The following WASHC5 variants were observed in gnomAD, a reference collection of about 807,000 sequenced individuals.
WASHC5 encodes the protein WASH complex subunit 5, also known as WASH complex subunit strumpellin.
WASHC5 carries 101 observed loss-of-function variants against 150.4 expected under a neutral mutation model. The observed-to-expected ratio is 0.67, with a 90% CI of 0.57 to 0.79. WASHC5 has a LOEUF of 0.79. WASHC5 is among the 30% of genes least tolerant of loss of function. The pLI is 0.00. For synonymous variants in WASHC5, 467 were observed against 491.2 expected, an observed-to-expected ratio of 0.95 and a Z score of 0.65; for missense variants, 1,195 against 1,396.3, an observed-to-expected ratio of 0.86 and a Z score of 2.30.
intron 1 of WASHC5, among the ~76,000 whole-genome samples, chr8:125,085,391 T>G (rs1297029687): frequency 6.6e-6 from 1 of 152,122 alleles, no homozygotes; most frequent in Non-Finnish European, 1.5e-5. Context: ...CCATGGTAAA[T>G]GACTTAGAAG....
intron 6 of WASHC5, among the ~76,000 whole-genome samples, chr8:125,077,994 G>C (rs1201775655): frequency 2.6e-5 from 4 of 152,292 alleles, no homozygotes. Context: ...GAACTGCACA[G>C]ATCAGGTTCA....
At chr8:125,041,750 G>C (rs778165517) in intron 23 of WASHC5, among the ~76,000 whole-genome samples, 1 of 152,000 alleles carries the variant, frequency 6.6e-6, no homozygotes, top group East Asian at 1.9e-4. Context: ...TATTATTTTT[G>C]ACCACTATTC....
Position 125,038,868 on chromosome 8 carries a change from AG to A in WASHC5, c.3045del (p.Tyr1016IlefsTer11), listed in dbSNP as rs1815794119. ...EDNTLLYEITAYLEAAGIHNP... is the reference protein window; with the variant it reads ...EDNTLLYEITXYLEAAGIHNP... ...TTGTGAATGCCAGCTGCCTCCAGAT[AG>A]GCTGTGATTTCATATAAAAGTGTGT... is the stretch of plus-strand genomic sequence containing the variant. On this transcript the variant is annotated frameshift_variant, in exon 25 of 29. Transcript: ENST00000318410. LOFTEE classifies it high-confidence loss of function. 1 of 1,613,970 alleles carries A rather than the reference AG, an allele frequency of 6.2e-7. No individual in the cohort carries two copies. The highest frequency in any genetic ancestry group is 8.5e-7 in the Non-Finnish European group (1 of 1,179,952).
Position 125,061,108 on chromosome 8 carries a change from CAGTT to C in WASHC5, c.1491_1494del (p.Thr498TyrfsTer3). 1 of 1,609,572 alleles carries C rather than the reference CAGTT, an allele frequency of 6.2e-7. No individual in the cohort carries two copies. Among genetic ancestry groups the C allele is most frequent in the Non-Finnish European group, 8.5e-7 (1 of 1,176,002 alleles). On this transcript the variant is annotated frameshift_variant, in exon 12 of 29. Transcript: ENST00000318410. LOFTEE classifies it high-confidence loss of function. Reference sequence around the variant, plus strand: ...TCTTCCAAAGCTTGTATCAGTTGTACAGTTTTTCTGCCCGCAGCAGTAGAATCAT... The same window carrying C: ...TCTTCCAAAGCTTGTATCAGTTGTACTTTCTGCCCGCAGCAGTAGAATCAT...
chr8:125,062,530 T>C (rs1816626654), intron 11 of WASHC5, among the ~76,000 whole-genome samples: 1 of 152,222 alleles, frequency 6.6e-6, no homozygotes, highest in African/African-American at 2.4e-5. Context: ...CATTCTAGAC[T>C]TCAGGTTTCA....
intron 13 of WASHC5, 37 bp from the exon 14 acceptor site, chr8:125,059,334 AG>A: frequency 6.2e-7 from 1 of 1,613,428 alleles, no homozygotes; most frequent in Non-Finnish European, 8.5e-7. Flanking sequence ...AGATGTTCCT[AG>A]GGCCTTTCAT....
rs766885418 is a variant in WASHC5 at position 125,059,371 on chromosome 8, A to C, written c.1688+5T>G. Reference sequence around the variant, plus strand: ...CTACAGCAAATGTCAGGCTGCCTACATTACCTGTCAATCAACTGCCAAGCG... The same window carrying C: ...CTACAGCAAATGTCAGGCTGCCTACCTTACCTGTCAATCAACTGCCAAGCG... On this transcript the variant is annotated splice_donor_5th_base_variant and intron_variant, in intron 13 of 28. Transcript: ENST00000318410. The C allele has an allele frequency of 1.9e-6, 3 of 1,614,166 alleles. No homozygotes were observed. Among genetic ancestry groups the C allele is most frequent in the African/African-American group, 1.3e-5 (1 of 75,058 alleles).
chr8:125,084,304 C>G (rs145332533), intron 1 of WASHC5, among the ~76,000 whole-genome samples: 14 of 152,302 alleles, frequency 9.2e-5, no homozygotes, highest in Non-Finnish European at 1.3e-4. Context: ...AACCACTGGG[C>G]ATGTGTGGTT....
At chr8:125,038,542 A>T (rs1365588046) in intron 25 of WASHC5, among the ~76,000 whole-genome samples, 1 of 152,224 alleles carries the variant, frequency 6.6e-6, no homozygotes, top group Admixed American at 6.5e-5. Flanking sequence ...TTGGGCCTTG[A>T]TGACTGAACG....
rs1435894101 is a variant in WASHC5 at position 125,075,091 on chromosome 8, C to T, written c.885G>A (p.Gly295=). 19 of 1,607,130 alleles carry T rather than the reference C, an allele frequency of 1.2e-5. No homozygotes were observed. The highest frequency in any genetic ancestry group is 4.3e-6 in the Non-Finnish European group (5 of 1,173,976). ...PDNWVISIYM[G]ITVNLVDAWE... is the part of the protein sequence containing the mutation. ...AAGCATCTACTAGATTAACTGTGAT[C>T]CCCATGTAAATACTAATTACCTGAA... The change falls in exon 8 of 29, where the codon GGG becomes GGA. Residue 295 remains glycine, a synonymous_variant. Transcript: ENST00000318410.
At position 125,078,918 on chromosome 8, in the gene WASHC5, A is replaced by C. The variant is rs773555566; in HGVS notation, c.531T>G (p.Ser177=). The part of the protein sequence containing the change: ...VSYYRYSAAR[S]SADSNMDDIC... ...TATCGTCCATATTTGAATCAGCAGAAGATCGAGCAGCACTGAGTCATATTC... is the reference window on the plus strand; with the variant it reads ...TATCGTCCATATTTGAATCAGCAGACGATCGAGCAGCACTGAGTCATATTC... The change falls in exon 6 of 29, where the codon TCT becomes TCG. Residue 177 remains serine, a synonymous_variant. Transcript: ENST00000318410. 6.2e-7 allele frequency: 1 copy of C among 1,613,852 alleles called. No individual in the cohort carries two copies. The highest frequency in any genetic ancestry group is 8.5e-7 in the Non-Finnish European group (1 of 1,179,874).
chr8:125,026,022 G>GT (rs1315722155), intron 28 of WASHC5, among the ~76,000 whole-genome samples: 3 of 152,024 alleles, frequency 2.0e-5, no homozygotes, highest in Non-Finnish European at 4.4e-5. Context: ...TATTACAAAT[G>GT]TTTTTTTAAA....
intron 26 of WASHC5, among the ~76,000 whole-genome samples, chr8:125,036,353 T>C (rs921325683): frequency 1.2e-4 from 18 of 152,284 alleles, no homozygotes; most frequent in East Asian, 3.9e-4. Flanking sequence ...CTTACTGAGG[T>C]AGACCATACT....
intron 17 of WASHC5, among the ~76,000 whole-genome samples, chr8:125,055,265 A>G (rs1816371735): frequency 6.6e-6 from 1 of 152,204 alleles, no homozygotes; most frequent in African/African-American, 2.4e-5. Context: ...TCTATTAAAA[A>G]TACAAAAATT....
chr8:125,057,981 C>T (rs549981043), intron 14 of WASHC5, among the ~76,000 whole-genome samples: 2 of 152,020 alleles, frequency 1.3e-5, no homozygotes, highest in East Asian at 1.9e-4. Context: ...CAACCAGCCC[C>T]GCAGGTGATT....
intron 23 of WASHC5, among the ~76,000 whole-genome samples, chr8:125,041,211 T>C (rs1815874004): frequency 6.6e-6 from 1 of 152,192 alleles, no homozygotes; most frequent in Non-Finnish European, 1.5e-5. Context: ...AATGTCTTCT[T>C]TTCTACTCGG....
chr8:125,077,044 T>G (rs1817084783), intron 6 of WASHC5, among the ~76,000 whole-genome samples: 1 of 152,228 alleles, frequency 6.6e-6, no homozygotes, highest in Admixed American at 6.5e-5. Flanking sequence ...CACTCTCTCT[T>G]CTCAATCTCC....
chr8:125,080,753 T>A (rs1817233387), intron 5 of WASHC5, among the ~76,000 whole-genome samples: 1 of 152,216 alleles, frequency 6.6e-6, no homozygotes. Flanking sequence ...GCTCCTGTTT[T>A]CAAGACCTTA....
At chr8:125,028,579 T>A (rs1408618118) in intron 28 of WASHC5, 41 bp downstream of exon 28, 1 of 1,425,086 alleles carries the variant, frequency 7.0e-7, no homozygotes, top group South Asian at 1.2e-5. Context: ...TTAGCATCTT[T>A]TTACAACTAT....
Sources: allele counts gnomAD v4.1 joint callset (sites outside exome capture counted in the v4.1 genomes callset), GRCh38; gene constraint gnomAD v4.1.1; transcripts MANE v1.5; gene names NCBI Gene and HGNC (gene_info 2026-07-23, HGNC 2026-07-21).